The following PCDH15 variants were observed in gnomAD, a reference collection of about 807,000 sequenced individuals.
PCDH15 encodes protocadherin-15.
A neutral mutation model predicts 178.5 loss-of-function variants in PCDH15; 129 were observed. The ratio of observed to expected loss-of-function variants is 0.72; its 90% CI spans 0.63 to 0.84. The LOEUF (loss-of-function observed/expected upper bound fraction) is 0.84, where lower values mean the gene tolerates loss of function less well. PCDH15 is among the 40% of genes least tolerant of loss of function. The pLI is 0.00. For synonymous variants in PCDH15, 800 were observed against 732.0 expected, an observed-to-expected ratio of 1.09 and a Z score of -1.50; for missense variants, 2,230 against 2,099.9, an observed-to-expected ratio of 1.06 and a Z score of -1.21.
At chr10:54,064,406 C>T (rs1342208604) in intron 18 of PCDH15, among the ~76,000 whole-genome samples, 1 of 152,130 alleles carries the variant, frequency 6.6e-6, no homozygotes, top group Non-Finnish European at 1.5e-5. Context: ...CTCTGGGCCA[C>T]GGACTCCACT....
intron 8 of PCDH15, among the ~76,000 whole-genome samples, chr10:54,282,286 C>T (rs1474543429): frequency 6.6e-6 from 1 of 151,840 alleles, no homozygotes; most frequent in African/African-American, 2.4e-5. Context: ...CAAGTGATTT[C>T]AATGCAGGTT....
In PCDH15 at chr10:53,839,139, G is replaced by A. The variant is rs781345128; in HGVS notation, c.3983+1181C>T. 1.4e-3 allele frequency among the ~76,000 whole-genome samples: 198 copies of A among 139,272 alleles called. 1 individual carries two copies. Among genetic ancestry groups the A allele is most frequent in the Non-Finnish European group, 8.1e-4 (54 of 66,470 alleles). The allele number at this position is 139,272 out of a possible 152,430, so 91.4% of individuals were successfully genotyped here. ...GAATGGCGTGAACCCGGGAGGTGGA[G>A]CTTGCAGTGAGCGAGATTGCGCCAC... On this transcript the variant is annotated intron_variant, in intron 29 of 37. Coordinates refer to ENST00000644397, the MANE Select transcript of PCDH15 (RefSeq NM_001384140.1).
Position 54,195,714 on chromosome 10 carries a change from C to A in PCDH15, c.1274G>T (p.Arg425Ile). 1.9e-6 allele frequency: 3 copies of A among 1,614,010 alleles called. No homozygotes were observed. Among genetic ancestry groups the A allele is most frequent in the Non-Finnish European group, 1.7e-6 (2 of 1,179,946 alleles). Reference sequence around the variant, plus strand: ...TATGTCCTTGTCCAGAGCTACTATTCTTAAAGGTGAAGTCAAATTGAGACT... The same window carrying A: ...TATGTCCTTGTCCAGAGCTACTATTATTAAAGGTGAAGTCAAATTGAGACT... ...SDSLNLTSPL[R>I]IVALDKDIED... Residue 425 changes from arginine (R) to isoleucine (I), a missense_variant, in exon 11 of 38, where the codon AGA becomes ATA. Physicochemically the swap from Arg to Ile is moderately conservative, Grantham distance 97 (BLOSUM62 -3). Transcript: ENST00000644397.
At chr10:54,797,788 A>C (rs1406437695) in intron 1 of PCDH15, among the ~76,000 whole-genome samples, 1 of 151,928 alleles carries the variant, frequency 6.6e-6, no homozygotes, top group African/African-American at 2.4e-5. Context: ...AATAGCACAC[A>C]TGTGTATGTG....
At chr10:55,281,658 C>T (rs558938489) in intron 1 of PCDH15, among the ~76,000 whole-genome samples, 156 of 152,234 alleles carry the variant, frequency 1.0e-3, no homozygotes, top group Non-Finnish European at 1.9e-3. Context: ...ACATGTGTCT[C>T]CGCACCAATC....
intron 2 of PCDH15, among the ~76,000 whole-genome samples, chr10:55,092,527 A>G (rs1407376682): frequency 6.6e-6 from 1 of 151,864 alleles, no homozygotes; most frequent in Non-Finnish European, 1.5e-5. Flanking sequence ...TTTAATTAAT[A>G]TTGTTAATAT....
chr10:55,244,326 TA>T (rs930120231), intron 1 of PCDH15, among the ~76,000 whole-genome samples: 12 of 151,776 alleles, frequency 7.9e-5, no homozygotes, highest in African/African-American at 2.7e-4. Flanking sequence ...TCTCTAGTGT[TA>T]AAAAAAATAA....
chr10:53,912,136 T>A (rs745658099), intron 25 of PCDH15, among the ~76,000 whole-genome samples: 2 of 152,138 alleles, frequency 1.3e-5, no homozygotes, highest in Non-Finnish European at 2.9e-5. Flanking sequence ...CCAAGGCTGG[T>A]TCAACATACA....
chr10:53,955,839 G>GA (rs1181538034), intron 23 of PCDH15, among the ~76,000 whole-genome samples: 1 of 152,082 alleles, frequency 6.6e-6, no homozygotes, highest in Non-Finnish European at 1.5e-5. Flanking sequence ...AAATGAATTT[G>GA]AAAAAATTAG....
intron 2 of PCDH15, among the ~76,000 whole-genome samples, chr10:55,097,854 A>G (rs1045354306): frequency 6.6e-6 from 1 of 152,114 alleles, no homozygotes; most frequent in African/African-American, 2.4e-5. Context: ...TACTTTAAAG[A>G]CTGACTTTCA....
At chr10:54,725,234 G>T (rs2132560062) in intron 1 of PCDH15, among the ~76,000 whole-genome samples, 1 of 150,938 alleles carries the variant, frequency 6.6e-6, no homozygotes, top group Non-Finnish European at 1.5e-5. Context: ...TTACTAATTT[G>T]TAAAAATATT....
intron 1 of PCDH15, among the ~76,000 whole-genome samples, chr10:54,769,313 C>T (rs1253460572): frequency 6.1e-5 from 8 of 131,364 alleles, no homozygotes; most frequent in Non-Finnish European, 1.1e-4. Context: ...CAGCAGAGTA[C>T]GCAATGCCTT....
chr10:54,316,568 ACACACAC>A lies in PCDH15; in HGVS notation c.876+696_876+702del, dbSNP rs1175084017. ...CACACACACACACACACACACACAC[ACACACAC>A]AAATACACCTTTTAGGGGAGAAATT... On this transcript the variant is annotated intron_variant, in intron 8 of 37. Coordinates refer to ENST00000644397, the MANE Select transcript of PCDH15 (RefSeq NM_001384140.1). Among the ~76,000 whole-genome samples the A allele has an allele frequency of 9.9e-3, 463 of 46,540 alleles. 2 individuals are homozygous for A. The highest frequency in any genetic ancestry group is 0.018 in the Middle Eastern group (1 of 56). 30.5% of individuals were successfully genotyped at this position (46,540 alleles called of 152,430 possible). A position where few individuals can be genotyped will look rare whatever the true frequency, so the allele number is the denominator to read the frequency against.
chr10:55,445,351 A>G (rs1425441246), intron 2 of PCDH15, among the ~76,000 whole-genome samples: 2 of 152,070 alleles, frequency 1.3e-5, no homozygotes, highest in Admixed American at 6.6e-5. Context: ...AGGGAAAAAT[A>G]CCATTCAACT....
At chr10:54,996,634 G>C (rs1273067698) in intron 2 of PCDH15, among the ~76,000 whole-genome samples, 3 of 152,102 alleles carry the variant, frequency 2.0e-5, no homozygotes, top group Non-Finnish European at 4.4e-5. Context: ...TCTTTAAATG[G>C]TACTGTTGTC....
intron 3 of PCDH15, among the ~76,000 whole-genome samples, chr10:54,401,507 C>G (rs938414411): frequency 6.6e-6 from 1 of 151,772 alleles, no homozygotes; most frequent in Non-Finnish European, 1.5e-5. Flanking sequence ...AAAATGGATA[C>G]TCATTCTTAA....
chr10:55,337,005 C>T (rs1471898211), intron 2 of PCDH15, among the ~76,000 whole-genome samples: 1 of 152,118 alleles, frequency 6.6e-6, no homozygotes, highest in Non-Finnish European at 1.5e-5. Context: ...CCCCAACTCC[C>T]TCAATTGTAA....
intron 21 of PCDH15, among the ~76,000 whole-genome samples, chr10:53,976,377 T>A (rs1205627841): frequency 2.0e-5 from 3 of 151,932 alleles, no homozygotes; most frequent in Non-Finnish European, 4.4e-5. Context: ...GGAGATGGAG[T>A]TGATCTCACA....
intron 1 of PCDH15, among the ~76,000 whole-genome samples, chr10:54,709,054 C>A (rs1242272835): frequency 6.6e-6 from 1 of 152,018 alleles, no homozygotes; most frequent in Non-Finnish European, 1.5e-5. Context: ...CTATCAAAAC[C>A]TGACCGTGGA....
Sources: allele counts gnomAD v4.1 joint callset (sites outside exome capture counted in the v4.1 genomes callset), GRCh38; gene constraint gnomAD v4.1.1; transcripts MANE v1.5; gene names NCBI Gene and HGNC (gene_info 2026-07-23, HGNC 2026-07-21).